Variants in BCORL1 observed in about 807,000 individuals in gnomAD.
The protein encoded by BCORL1 is BCL-6 corepressor-like protein 1.
In BCORL1, 7 loss-of-function variants were observed where a neutral mutation model predicts 87.6. The observed-to-expected ratio is 0.08, with a 90% CI of 0.05 to 0.15. The LOEUF (loss-of-function observed/expected upper bound fraction) is 0.15, where lower values mean the gene tolerates loss of function less well. Ranked by LOEUF, BCORL1 falls within the 10% of genes least tolerant of loss-of-function variation. BCORL1 has a pLI of 1.00. For missense variants in BCORL1, 1,215 were observed against 1,499.7 expected, an observed-to-expected ratio of 0.81 and a Z score of 3.13; for synonymous variants, 591 against 634.4, an observed-to-expected ratio of 0.93 and a Z score of 1.03.
At chrX:129,998,844 A>G (rs1432689375) in intron 1 of BCORL1, among the ~76,000 whole-genome samples, 1 of 110,934 alleles carries the variant, frequency 9.0e-6, no homozygotes, top group Non-Finnish European at 1.9e-5. Context: ...TGCAGAGGCT[A>G]CTGTTAATTA....
At chrX:130,053,651 G>A (rs1424326915) in intron 13 of BCORL1, among the ~76,000 whole-genome samples, 5 of 111,592 alleles carry the variant, frequency 4.5e-5, no homozygotes, top group Non-Finnish European at 7.5e-5. Flanking sequence ...TTTTCCTGAC[G>A]TGACATCCTC....
chrX:129,997,574 G>T (rs73567688), intron 1 of BCORL1, among the ~76,000 whole-genome samples: 1 of 108,972 alleles, frequency 9.2e-6, no homozygotes, highest in East Asian at 2.9e-4. Flanking sequence ...TGGGCGGATC[G>T]GAAGGTCAGG....
chrX:130,009,393 G>T (rs1254109275), intron 2 of BCORL1, among the ~76,000 whole-genome samples: 1 of 108,749 alleles, frequency 9.2e-6, no homozygotes, highest in Non-Finnish European at 1.9e-5. Flanking sequence ...GGCAGAGGTT[G>T]CAGTGAGCTG....
At chrX:130,032,733 C>T (rs5975167) in intron 8 of BCORL1, among the ~76,000 whole-genome samples, 279 of 87,586 alleles carry the variant, frequency 3.2e-3, no homozygotes, top group African/African-American at 0.012. Context: ...AGAATCTCTT[C>T]TATTTATTTA....
chrX:130,025,634 C>A (rs996541667), intron 7 of BCORL1, among the ~76,000 whole-genome samples: 3 of 111,285 alleles, frequency 2.7e-5, no homozygotes, highest in African/African-American at 6.5e-5. Context: ...AAGTCTGAAC[C>A]TGTGGGCAAG....
chrX:130,036,898 C>T (rs777080469), intron 9 of BCORL1, among the ~76,000 whole-genome samples: 12 of 112,312 alleles, frequency 1.1e-4, no homozygotes, highest in Non-Finnish European at 2.3e-4. Context: ...GTAACCCTAA[C>T]ACTTTGGGAA....
intron 1 of BCORL1, among the ~76,000 whole-genome samples, 158 bp from the exon 2 acceptor site, chrX:130,005,030 C>T (rs143627371): frequency 0.012 from 1,341 of 112,916 alleles, 15 homozygotes; most frequent in Non-Finnish European, 0.02. Flanking sequence ...AAAGCTGGTG[C>T]TCCCTCTTCC....
At chrX:130,010,826 C>T (rs980731854) in intron 2 of BCORL1, among the ~76,000 whole-genome samples, 3 of 107,425 alleles carry the variant, frequency 2.8e-5, no homozygotes, top group African/African-American at 1.0e-4. Flanking sequence ...TTGGGGTGAG[C>T]CTCTAAAGAA....
intron 11 of BCORL1, among the ~76,000 whole-genome samples, chrX:130,042,885 A>G (rs1931423878): frequency 9.1e-6 from 1 of 109,439 alleles, no homozygotes; most frequent in African/African-American, 3.3e-5. Flanking sequence ...AGGCAGGAGA[A>G]TTGCTTGAAC....
intron 3 of BCORL1, 49 bp downstream of exon 3, chrX:130,012,717 A>G (rs376480089): frequency 1.2e-4 from 137 of 1,119,607 alleles, no homozygotes; most frequent in Non-Finnish European, 1.6e-4. Flanking sequence ...GATGGAGCTG[A>G]GCTGCCTGGG....
chrX:130,016,160 C>G lies in BCORL1; in HGVS notation c.3388C>G (p.Gln1130Glu), dbSNP rs1480666424. The G allele has an allele frequency of 1.7e-6, 2 of 1,200,595 alleles. No homozygotes were observed. The highest frequency in any genetic ancestry group is 3.0e-5 in the East Asian group (1 of 32,931). The part of the protein sequence containing the change: ...KCGKEKDSEE[Q>E]QLQPQAKAVV... ...CGGCAAAGAGAAGGACAGTGAAGAG[C>G]AGCAGCTCCAGCCACAAGCCAAGGC... Residue 1130 changes from glutamine to glutamate, a missense_variant, in exon 4 of 14, where the codon CAG (glutamine) becomes GAG (glutamate). Gln to Glu is a conservative substitution (Grantham distance 29, BLOSUM62 2). Around this residue, in one of 5 missense-constraint regions of BCORL1, gnomAD observed 861 missense variants for 1,010.0 expected, o/e 0.85. Coordinates refer to ENST00000540052, the MANE Select transcript of BCORL1 (RefSeq NM_001379451.1).
intron 6 of BCORL1, among the ~76,000 whole-genome samples, chrX:130,024,376 T>C (rs1287636267): frequency 1.8e-5 from 2 of 111,024 alleles, no homozygotes; most frequent in Non-Finnish European, 3.8e-5. Context: ...CCTGGGTGCA[T>C]TTGGGCGTGA....
At chrX:130,048,910 A>G (rs1049405849) in intron 11 of BCORL1, among the ~76,000 whole-genome samples, 6 of 112,344 alleles carry the variant, frequency 5.3e-5, no homozygotes, top group East Asian at 2.8e-4. Flanking sequence ...GAATCATACA[A>G]TATGGGACCT....
intron 2 of BCORL1, among the ~76,000 whole-genome samples, chrX:130,008,325 G>A (rs1476503358): frequency 3.7e-5 from 4 of 107,213 alleles, no homozygotes; most frequent in Non-Finnish European, 7.7e-5. Flanking sequence ...GTGCAATGGT[G>A]AGATCTGAGC....
chrX:129,987,602 G>A (rs1247561680), intron 1 of BCORL1, among the ~76,000 whole-genome samples: 1 of 112,152 alleles, frequency 8.9e-6, no homozygotes, highest in Admixed American at 9.5e-5. Context: ...CCAGTCTGCA[G>A]GTGGGAAGGA....
chrX:130,017,704 C>T (rs1230610519), intron 4 of BCORL1, among the ~76,000 whole-genome samples: 1 of 107,759 alleles, frequency 9.3e-6, no homozygotes, highest in Non-Finnish European at 1.9e-5. Context: ...TGCAGTGGCT[C>T]GATCACAGCT....
rs1345386158 is a variant in BCORL1 at position 130,015,749 on chromosome X, C to T, written c.2977C>T (p.His993Tyr). ...KNQVLATYMS[H>Y]ELVLATPQNL... is the part of the protein sequence containing the mutation. ...CCAAGTGCTGGCCACCTACATGTCC[C>T]ATGAGCTGGTCCTGGCCACCCCCCA... The change falls in exon 4 of 14, where the codon CAT (histidine) becomes TAT (tyrosine). Residue 993 changes from histidine (H) to tyrosine (Y), a missense_variant. His to Tyr is a moderately conservative substitution (Grantham distance 83). This residue lies in a region of BCORL1 where 861 missense variants were observed against 1,010.0 expected (regional missense o/e 0.85). Coordinates refer to ENST00000540052, the MANE Select transcript of BCORL1 (RefSeq NM_001379451.1). 1 of 1,212,016 alleles carries T rather than the reference C, an allele frequency of 8.3e-7. No homozygotes were observed. The highest frequency in any genetic ancestry group is 1.1e-6 in the Non-Finnish European group (1 of 895,579).
intron 11 of BCORL1, among the ~76,000 whole-genome samples, chrX:130,045,222 C>T (rs1196558629): frequency 1.8e-5 from 2 of 112,205 alleles, no homozygotes; most frequent in Non-Finnish European, 3.8e-5. Flanking sequence ...TCCAAGCTGG[C>T]TGAAGGAAAA....
chrX:130,015,457 C>T lies in BCORL1; in HGVS notation c.2685C>T (p.Phe895=). The stretch of plus-strand genomic sequence containing the variant: ...GGCAACCACGGCCTGGGGGCTCCTT[C>T]GTTCCAGAGCAGGACCCTGTTACAA... ...PEGQPRPGGS[F]VPEQDPVTKN... Residue 895 remains phenylalanine (F), a synonymous_variant, in exon 4 of 14, where the codon TTC becomes TTT. Coordinates refer to ENST00000540052, the MANE Select transcript of BCORL1 (RefSeq NM_001379451.1). 8.2e-7 allele frequency: 1 copy of T among 1,212,231 alleles called. No individual in the cohort carries two copies.
Sources: gnomAD v4.1 joint callset for allele counts (sites outside exome capture counted in the v4.1 genomes callset) on GRCh38, gnomAD v4.1.1 for gene constraint, gnomAD v4.1.1 regional missense constraint, MANE v1.5 for transcripts, NCBI Gene and HGNC (gene_info 2026-07-23, HGNC 2026-07-21) for gene names.